LPP: variants seen among roughly 807,000 people sequenced by gnomAD.
LPP encodes lipoma-preferred partner.
In LPP, 38 loss-of-function variants were observed where a neutral mutation model predicts 60.4. That is an observed-to-expected ratio of 0.63 (90% confidence interval 0.49 to 0.83). LPP has a LOEUF of 0.83. Among genes scored for constraint, LPP ranks in the 40% least tolerant of loss-of-function variants. LPP has a pLI of 0.00. For synonymous variants in LPP, 328 were observed against 290.8 expected (o/e 1.13, Z -1.30); for missense variants, 902 against 783.6 (o/e 1.15, Z -1.80).
chr3:188,281,918 CACA>C (rs779562672), intron 2 of LPP, among the ~76,000 whole-genome samples: 7 of 152,114 alleles, frequency 4.6e-5, no homozygotes, highest in Non-Finnish European at 8.8e-5. Context: ...GAATTGCAGT[CACA>C]TGTTTTACTT....
intron 9 of LPP, among the ~76,000 whole-genome samples, chr3:188,788,927 C>G (rs531449049): frequency 2.0e-5 from 3 of 152,194 alleles, no homozygotes; most frequent in African/African-American, 7.2e-5. Flanking sequence ...GCTGACTGTC[C>G]GTGTTGCATC....
At chr3:188,227,082 T>C (rs1259077618) in intron 2 of LPP, among the ~76,000 whole-genome samples, 1 of 152,168 alleles carries the variant, frequency 6.6e-6, no homozygotes, top group Non-Finnish European at 1.5e-5. Flanking sequence ...GCTTTGCACT[T>C]GGACTTAAAA....
intron 6 of LPP, among the ~76,000 whole-genome samples, chr3:188,589,553 T>G (rs970968069): frequency 1.3e-5 from 2 of 152,236 alleles, no homozygotes; most frequent in African/African-American, 4.8e-5. Flanking sequence ...AGATGTATTT[T>G]GAAAACTCGA....
intron 7 of LPP, among the ~76,000 whole-genome samples, chr3:188,629,832 A>C (rs1434041980): frequency 6.6e-6 from 1 of 152,112 alleles, no homozygotes; most frequent in Non-Finnish European, 1.5e-5. Context: ...CTTCAAATTA[A>C]ACTGCAAGAC....
chr3:188,338,734 C>T lies in LPP; in HGVS notation c.-66-2929C>T, dbSNP rs142025814. ...TTAGTGGGAGTTTTTATAAGATACT[C>T]TTATATTGCTTATTGAGGTACTAAA... On this transcript the variant is annotated intron_variant, in intron 2 of 11. Coordinates refer to ENST00000617246, the MANE Select transcript of LPP (RefSeq NM_001375462.1). Among the ~76,000 whole-genome samples, 149 of 152,188 alleles carry T rather than the reference C, an allele frequency of 9.8e-4. 1 individual carries two copies. The highest frequency in any genetic ancestry group is 3.4e-3 in the African/African-American group (141 of 41,532).
chr3:188,779,524 C>T (rs957356359), intron 9 of LPP, among the ~76,000 whole-genome samples: 5 of 151,822 alleles, frequency 3.3e-5, no homozygotes, highest in East Asian at 1.9e-4. Context: ...CAAGTAACCA[C>T]GTGAGCAGTT....
rs555182214 is a variant in LPP, at chr3:188,178,276, G to A, written c.-190+24024G>A. On this transcript the variant is annotated intron_variant, in intron 1 of 11. Coordinates refer to ENST00000617246, the MANE Select transcript of LPP (RefSeq NM_001375462.1). The stretch of plus-strand genomic sequence containing the variant: ...TGCCCACAGGGAAATGTCTTTCCCA[G>A]CCCCCTCCTCATGCTTCTCCTCTTT... 9.8e-5 allele frequency among the ~76,000 whole-genome samples: 15 copies of A among 152,296 alleles called. No homozygotes were observed. In the South Asian group the frequency reaches 3.1e-3, roughly 32 times the overall value.
intron 7 of LPP, among the ~76,000 whole-genome samples, chr3:188,628,694 A>G (rs181577445): frequency 6.6e-6 from 1 of 152,134 alleles, no homozygotes; most frequent in East Asian, 1.9e-4. Context: ...GCTGGTACCA[A>G]TCGTACTAAA....
In LPP at chr3:188,887,538, CAG is replaced by C. The variant is rs1770822102; in HGVS notation, c.*13062_*13063del. ...AATAAATGGGGAGTTGGTATTTGGG[CAG>C]AGTTTGCATTTTACTAATCCTATAT... On this transcript the variant is annotated 3_prime_UTR_variant, in exon 12 of 12. Transcript: ENST00000617246. 1 of 216,184 alleles carries C rather than the reference CAG, an allele frequency of 4.6e-6. No individual in the cohort carries two copies. Among genetic ancestry groups the C allele is most frequent in the South Asian group, 1.9e-4 (1 of 5,368 alleles). The allele number at this position is 216,184 out of a possible 1,614,324, so 13.4% of individuals were successfully genotyped here. A position where few individuals can be genotyped will look rare whatever the true frequency, so the allele number is the denominator to read the frequency against.
Position 188,877,663 on chromosome 3 carries a change from T to C in LPP, c.*3184T>C, listed in dbSNP as rs1578113558. 5.3e-6 allele frequency: 1 copy of C among 187,510 alleles called. No homozygotes were observed. Among genetic ancestry groups the C allele is most frequent in the South Asian group, 1.9e-4 (1 of 5,130 alleles). The allele number at this position is 187,510 out of a possible 1,614,324, so 11.6% of individuals were successfully genotyped here. A position where few individuals can be genotyped will look rare whatever the true frequency, so the allele number is the denominator to read the frequency against. On this transcript the variant is annotated 3_prime_UTR_variant, in exon 12 of 12. Transcript: ENST00000617246. The stretch of plus-strand genomic sequence containing the variant: ...GAGTTTGACACCAGCCTGGGCAACA[T>C]AGTGAGACCTTGTCTCTACAAAAAA...
intron 9 of LPP, among the ~76,000 whole-genome samples, chr3:188,770,769 A>G (rs377656048): frequency 6.6e-6 from 1 of 152,174 alleles, no homozygotes; most frequent in Non-Finnish European, 1.5e-5. Context: ...AAATGATTTT[A>G]AGGAAAGAAT....
chr3:188,327,315 A>G (rs965026669), intron 2 of LPP, among the ~76,000 whole-genome samples: 2 of 152,190 alleles, frequency 1.3e-5, no homozygotes, highest in South Asian at 2.1e-4. Context: ...AACATTGCCA[A>G]AAGTGTTTTT....
intron 4 of LPP, among the ~76,000 whole-genome samples, chr3:188,484,006 C>T (rs1805563548): frequency 6.6e-6 from 1 of 151,940 alleles, no homozygotes; most frequent in Non-Finnish European, 1.5e-5. Flanking sequence ...TTCCTGTGTC[C>T]CATGTTTTTC....
intron 7 of LPP, among the ~76,000 whole-genome samples, chr3:188,680,043 A>G (rs1020637370): frequency 6.6e-6 from 1 of 152,196 alleles, no homozygotes; most frequent in Non-Finnish European, 1.5e-5. Context: ...GTCAACAAAC[A>G]TTCACTAGTG....
At chr3:188,278,342 G>T (rs1277878435) in intron 2 of LPP, among the ~76,000 whole-genome samples, 1 of 152,092 alleles carries the variant, frequency 6.6e-6, no homozygotes, top group Non-Finnish European at 1.5e-5. Flanking sequence ...GGCCTTTTCT[G>T]CTTACCTGGC....
chr3:188,822,238 A>T (rs1754177007), intron 9 of LPP, among the ~76,000 whole-genome samples: 1 of 152,256 alleles, frequency 6.6e-6, no homozygotes, highest in African/African-American at 2.4e-5. Context: ...AAGTGAAATG[A>T]AGCAACATTG....
intron 6 of LPP, among the ~76,000 whole-genome samples, chr3:188,535,949 T>A (rs1305040084): frequency 6.6e-6 from 1 of 152,058 alleles, no homozygotes; most frequent in Non-Finnish European, 1.5e-5. Context: ...ATATGCTTCC[T>A]TTTTTCAGAA....
intron 1 of LPP, among the ~76,000 whole-genome samples, chr3:188,161,631 A>G (rs569617902): frequency 6.6e-6 from 1 of 152,262 alleles, no homozygotes; most frequent in Admixed American, 6.5e-5. Flanking sequence ...TGTCAGCTGA[A>G]GTGGAGTTGG....
intron 3 of LPP, among the ~76,000 whole-genome samples, chr3:188,362,422 T>C (rs1258734013): frequency 6.6e-6 from 1 of 152,226 alleles, no homozygotes; most frequent in Non-Finnish European, 1.5e-5. Flanking sequence ...GGAATTTTCT[T>C]TCCTGGCCAT....
Sources: gnomAD v4.1 joint callset for allele counts (sites outside exome capture counted in the v4.1 genomes callset) on GRCh38, gnomAD v4.1.1 for gene constraint, MANE v1.5 for transcripts, NCBI Gene and HGNC (gene_info 2026-07-23, HGNC 2026-07-21) for gene names.